The following PRSS12 variants were observed in gnomAD, a reference collection of about 807,000 sequenced individuals.
PRSS12 encodes the protein neurotrypsin.
Under a neutral mutation model 104.4 loss-of-function variants are expected in PRSS12, and 85 were observed. The ratio of observed to expected loss-of-function variants is 0.81; its 90% CI spans 0.68 to 0.98. PRSS12 has a LOEUF of 0.98. Ranked by LOEUF, PRSS12 falls within the 50% of genes least tolerant of loss-of-function variation. The pLI, the probability that PRSS12 is intolerant of heterozygous loss-of-function variation, is 0.00. For synonymous variants in PRSS12, 454 were observed against 425.2 expected (o/e 1.07, Z -0.83); for missense variants, 1,141 against 1,139.2 (o/e 1.00, Z -0.02).
Position 118,316,193 on chromosome 4 carries a change from T to A in PRSS12, c.1281A>T (p.Gln427His), listed in dbSNP as rs2292597. ...TELNTYVVCR[Q>H]LGFKYGKQAS... Reference sequence around the variant, plus strand: ...TTAATGAACCTTACTTAAATCCCAATTGTCGACAAACCACGTATGTATTCA... The same window carrying A: ...TTAATGAACCTTACTTAAATCCCAAATGTCGACAAACCACGTATGTATTCA... The change falls in exon 6 of 13, where the codon CAA (glutamine) becomes CAT (histidine). Residue 427 changes from glutamine (Q) to histidine (H), a missense_variant. Gln to His is a conservative substitution (Grantham distance 24). Transcript: ENST00000296498. The A allele has an allele frequency of 6.2e-7, 1 of 1,613,716 alleles. No homozygotes were observed.
At chr4:118,308,012 G>A (rs1212036308) in intron 8 of PRSS12, among the ~76,000 whole-genome samples, 1 of 152,192 alleles carries the variant, frequency 6.6e-6, no homozygotes, top group Admixed American at 6.5e-5. Flanking sequence ...CAATGGCTCA[G>A]CATTTGCTAA....
At chr4:118,337,729 G>C (rs1724097652) in intron 2 of PRSS12, among the ~76,000 whole-genome samples, 1 of 151,408 alleles carries the variant, frequency 6.6e-6, no homozygotes, top group South Asian at 2.1e-4. Context: ...AAAGTAGAAA[G>C]GTAAAATCAA....
Position 118,352,968 on chromosome 4 carries a change from C to T in PRSS12, c.-248G>A, listed in dbSNP as rs1342366866. ...TGGAGCTCAGCCGAGCCCCGGCCGG[C>T]GGAGAGGACCGGAAAAGAGAAGGCG... is the stretch of plus-strand genomic sequence containing the variant. On this transcript the variant is annotated 5_prime_UTR_variant, in exon 1 of 13. Transcript: ENST00000296498. The T allele has an allele frequency of 1.4e-5, 14 of 984,226 alleles. No homozygotes were observed. Among genetic ancestry groups the T allele is most frequent in the Admixed American group, 3.9e-5 (1 of 25,380 alleles). The allele number at this position is 984,226 out of a possible 1,614,324, so 61.0% of individuals were successfully genotyped here.
intron 1 of PRSS12, among the ~76,000 whole-genome samples, chr4:118,351,255 T>G (rs912211156): frequency 6.6e-6 from 1 of 152,184 alleles, no homozygotes; most frequent in Non-Finnish European, 1.5e-5. Flanking sequence ...CAGGAAACCC[T>G]TGCCCCACAG....
At chr4:118,350,479 A>T (rs1049430166) in intron 1 of PRSS12, among the ~76,000 whole-genome samples, 1 of 152,190 alleles carries the variant, frequency 6.6e-6, no homozygotes, top group African/African-American at 2.4e-5. Flanking sequence ...TACACAGTTG[A>T]TCGTTTTCCT....
intron 8 of PRSS12, among the ~76,000 whole-genome samples, chr4:118,306,646 A>G (rs1743561106): frequency 6.6e-6 from 1 of 152,190 alleles, no homozygotes; most frequent in South Asian, 2.1e-4. Flanking sequence ...ATCTGCCCCC[A>G]TGATCCAAAC....
At chr4:118,311,936 A>T (rs1434078009) in intron 7 of PRSS12, among the ~76,000 whole-genome samples, 1 of 152,156 alleles carries the variant, frequency 6.6e-6, no homozygotes, top group Non-Finnish European at 1.5e-5. Flanking sequence ...GGGCTGAGAG[A>T]ATCCATCTCC....
chr4:118,335,901 C>G (rs1724053054), intron 2 of PRSS12, among the ~76,000 whole-genome samples: 1 of 152,148 alleles, frequency 6.6e-6, no homozygotes, highest in Non-Finnish European at 1.5e-5. Flanking sequence ...CCTTTACCAC[C>G]AATGACTGAT....
In PRSS12 at chr4:118,299,628, C is replaced by T. The variant is rs187737395; in HGVS notation, c.1632-690G>A. On this transcript the variant is annotated intron_variant, in intron 8 of 12. Transcript: ENST00000296498. The stretch of plus-strand genomic sequence containing the variant: ...CGAAGAGGCGGAAGCTGCAGTGAGC[C>T]GAGATCGTGCCATTGCACTCCAGCT... 5.4e-5 allele frequency among the ~76,000 whole-genome samples: 8 copies of T among 148,890 alleles called. No individual in the cohort carries two copies. In the East Asian group the frequency reaches 9.9e-4, roughly 18 times the overall value.
In PRSS12 at chr4:118,282,075, A is replaced by AT. The variant is rs1491534398; in HGVS notation, c.2488dup (p.Met830AsnfsTer3). 1 of 1,613,148 alleles carries AT rather than the reference A, an allele frequency of 6.2e-7. No individual in the cohort carries two copies. Among genetic ancestry groups the AT allele is most frequent in the Non-Finnish European group, 8.5e-7 (1 of 1,179,636 alleles). On this transcript the variant is annotated frameshift_variant, in exon 13 of 13. Transcript: ENST00000296498. LOFTEE classifies it high-confidence loss of function. ...CCAGCTCTCTCCGGGCCGTTCACACATGAGTGGTCCTCCGCTGTCTCCCTG... is the reference window on the plus strand; with the variant it reads ...CCAGCTCTCTCCGGGCCGTTCACACATTGAGTGGTCCTCCGCTGTCTCCCTG...
intron 1 of PRSS12, among the ~76,000 whole-genome samples, chr4:118,350,124 T>C (rs539184465): frequency 2.0e-5 from 3 of 152,334 alleles, no homozygotes; most frequent in Middle Eastern, 3.4e-3. Context: ...TCAGGCCAGG[T>C]TGTTTTGCGT....
At chr4:118,325,726 T>C (rs1407758251) in intron 4 of PRSS12, among the ~76,000 whole-genome samples, 2 of 152,102 alleles carry the variant, frequency 1.3e-5, no homozygotes, top group Non-Finnish European at 2.9e-5. Flanking sequence ...TTGATAAAGC[T>C]GTGTGTTCTC....
chr4:118,282,208 T>A lies in PRSS12; in HGVS notation c.2356A>T (p.Ile786Phe). ...AYSRTLQQAA[I>F]PLLPKRFCEE... ...CAAAACCTTTTAGGAAGTAAGGGAA[T>A]GGCTGCTTGTTGTAGTGTTCTTGAA... The change falls in exon 13 of 13, where the codon ATT (isoleucine) becomes TTT (phenylalanine). Residue 786 changes from isoleucine to phenylalanine, a missense_variant. Physicochemically the swap from Ile to Phe is conservative, Grantham distance 21. Coordinates refer to ENST00000296498, the MANE Select transcript of PRSS12 (RefSeq NM_003619.4). 2 of 1,614,242 alleles carry A rather than the reference T, an allele frequency of 1.2e-6. No homozygotes were observed. Among genetic ancestry groups the A allele is most frequent in the Non-Finnish European group, 1.7e-6 (2 of 1,180,048 alleles).
At chr4:118,330,404 C>T (rs1306469036) in intron 4 of PRSS12, among the ~76,000 whole-genome samples, 1 of 151,892 alleles carries the variant, frequency 6.6e-6, no homozygotes, top group African/African-American at 2.4e-5. Flanking sequence ...CTAAATGACA[C>T]CAGAAGGAAA....
At chr4:118,293,021 T>A (rs568829751) in intron 11 of PRSS12, among the ~76,000 whole-genome samples, 12 of 150,434 alleles carry the variant, frequency 8.0e-5, no homozygotes, top group Admixed American at 3.3e-4. Flanking sequence ...TCTCAAAAAA[T>A]AATAATAATA....
At position 118,313,384 on chromosome 4, in the gene PRSS12, C is replaced by G; in HGVS notation, c.1306G>C (p.Ala436Pro). 6.2e-7 allele frequency: 1 copy of G among 1,614,076 alleles called. No individual in the cohort carries two copies. The highest frequency in any genetic ancestry group is 8.5e-7 in the Non-Finnish European group (1 of 1,179,974). ...CTTTCTTCAAAATGGTTGGCAGATGCTTGTTTACCATATCTGTGACAATTG... is the reference window on the plus strand; with the variant it reads ...CTTTCTTCAAAATGGTTGGCAGATGGTTGTTTACCATATCTGTGACAATTG... ...RQLGFKYGKQ[A>P]SANHFEESTG... is the part of the protein sequence containing the mutation. Residue 436 changes from alanine to proline, a missense_variant, in exon 7 of 13, where the codon GCA becomes CCA. By Grantham distance (27) the Ala-to-Pro change is conservative (BLOSUM62 -1). Coordinates refer to ENST00000296498, the MANE Select transcript of PRSS12 (RefSeq NM_003619.4).
intron 10 of PRSS12, 28 bp downstream of exon 10, chr4:118,295,750 A>C: frequency 6.3e-7 from 1 of 1,580,880 alleles, no homozygotes; most frequent in Non-Finnish European, 8.7e-7. Flanking sequence ...TCTGTAATAT[A>C]AAAAATCTCT....
chr4:118,334,194 A>G (rs1724005688), intron 3 of PRSS12, among the ~76,000 whole-genome samples: 1 of 152,306 alleles, frequency 6.6e-6, no homozygotes, highest in South Asian at 2.1e-4. Flanking sequence ...CTAATTTATC[A>G]TAACTTTCTA....
chr4:118,304,579 AC>A (rs905689342), intron 8 of PRSS12, among the ~76,000 whole-genome samples: 8 of 152,002 alleles, frequency 5.3e-5, no homozygotes, highest in Non-Finnish European at 1.0e-4. Context: ...ATGTTCAAAA[AC>A]AATGCTATAT....
Sources: gnomAD v4.1 joint callset for allele counts (sites outside exome capture counted in the v4.1 genomes callset) on GRCh38, gnomAD v4.1.1 for gene constraint, MANE v1.5 for transcripts, NCBI Gene and HGNC (gene_info 2026-07-23, HGNC 2026-07-21) for gene names.